TBC1D30: variants seen among roughly 807,000 people sequenced by gnomAD.
TBC1D30 encodes the protein TBC1 domain family, member 30.
Under a neutral mutation model 63.2 loss-of-function variants are expected in TBC1D30, and 31 were observed. That is an observed-to-expected ratio of 0.49 (90% CI 0.37 to 0.66). The LOEUF (loss-of-function observed/expected upper bound fraction) is 0.66. Among genes scored for constraint, TBC1D30 ranks in the 30% least tolerant of loss-of-function variants. The pLI is 0.00. For missense variants in TBC1D30, 810 were observed against 953.6 expected, an observed-to-expected ratio of 0.85 and a Z score of 1.98; for synonymous variants, 307 against 361.5, an observed-to-expected ratio of 0.85 and a Z score of 1.71.
chr12:64,774,011 A>G (rs989675275), intron 1 of TBC1D30, among the ~76,000 whole-genome samples: 1 of 152,222 alleles, frequency 6.6e-6, no homozygotes, highest in African/African-American at 2.4e-5. Context: ...TTAAAGGAGG[A>G]TATTGTAACC....
In TBC1D30 at chr12:64,832,250, C is replaced by T. The variant is rs1874935545; in HGVS notation, c.540C>T (p.Ile180=). 6.5e-7 allele frequency: 1 copy of T among 1,535,990 alleles called. No homozygotes were observed. Among genetic ancestry groups the T allele is most frequent in the Non-Finnish European group, 8.7e-7 (1 of 1,146,906 alleles). ...TTGGGTACTGCCAAGGCTTTAACAT[C>T]CTGGCTGCACTAATTCTGGAAGTGA... The part of the protein sequence containing the change: ...KTVGYCQGFN[I]LAALILEVME... The change falls in exon 5 of 12, where the codon ATC becomes ATT. Residue 180 remains isoleucine (I), a synonymous_variant. Coordinates refer to ENST00000539867, the MANE Select transcript of TBC1D30 (RefSeq NM_015279.2).
At chr12:64,772,807 A>T (rs1429858633) in intron 1 of TBC1D30, among the ~76,000 whole-genome samples, 3 of 152,168 alleles carry the variant, frequency 2.0e-5, no homozygotes, top group African/African-American at 7.2e-5. Flanking sequence ...CTCTGTCTCT[A>T]AAAAAAGAAA....
intron 1 of TBC1D30, among the ~76,000 whole-genome samples, chr12:64,764,610 G>C (rs1026366167): frequency 1.3e-5 from 2 of 152,210 alleles, no homozygotes; most frequent in African/African-American, 4.8e-5. Flanking sequence ...TTTTTGCCTG[G>C]TGGAGGGACA....
chr12:64,855,229 T>G (rs1178527989), intron 8 of TBC1D30, among the ~76,000 whole-genome samples: 1 of 152,182 alleles, frequency 6.6e-6, no homozygotes, highest in Admixed American at 6.5e-5. Context: ...TACTCATTTT[T>G]TTTTTCTTGC....
At chr12:64,763,673 A>T (rs1382718471) in intron 1 of TBC1D30, among the ~76,000 whole-genome samples, 6 of 148,248 alleles carry the variant, frequency 4.0e-5, no homozygotes, top group Admixed American at 1.4e-4. Context: ...CAGTGGCATG[A>T]TCTCGGCTCA....
In TBC1D30 at chr12:64,832,014, TTA is replaced by T. The variant is rs994718839; in HGVS notation, c.409-103_409-102del. 170 of 1,154,746 alleles carry T rather than the reference TTA, an allele frequency of 1.5e-4. 1 individual carries two copies. The Middle Eastern group carries it at 2.1e-3, about 14-fold the overall frequency. 71.5% of individuals were successfully genotyped at this position (1,154,746 alleles called of 1,614,324 possible). A position where few individuals can be genotyped will look rare whatever the true frequency, so the allele number is the denominator to read the frequency against. On this transcript the variant is annotated intron_variant, in intron 4 of 11. Coordinates refer to ENST00000539867, the MANE Select transcript of TBC1D30 (RefSeq NM_015279.2). ...AAAACATACACATTTTAAAAAAATT[TTA>T]TGTCGATGATTTGACTCTGTTTATT...
chr12:64,781,913 C>G (rs1266808617), intron 1 of TBC1D30, among the ~76,000 whole-genome samples: 1 of 141,402 alleles, frequency 7.1e-6, no homozygotes, highest in Non-Finnish European at 1.6e-5. Flanking sequence ...AGTGGAGGGC[C>G]CTAGAGTGTT....
At position 64,825,007 on chromosome 12, in the gene TBC1D30, C is replaced by T; in HGVS notation, c.128C>T (p.Pro43Leu). ...KKRSCISRTA[P>L]RLLCTLEPGV... Reference sequence around the variant, plus strand: ...CGCAGCTGCATTTCCCGGACCGCGCCCCGGCTGCTGTGCACCCTGGAGCCG... The same window carrying T: ...CGCAGCTGCATTTCCCGGACCGCGCTCCGGCTGCTGTGCACCCTGGAGCCG... Residue 43 changes from proline (P) to leucine (L), a missense_variant, in exon 1 of 12, where the codon CCC (proline) becomes CTC (leucine). Physicochemically the swap from Pro to Leu is moderately conservative, Grantham distance 98. Transcript: ENST00000539867. 6.5e-7 allele frequency: 1 copy of T among 1,533,954 alleles called. No homozygotes were observed. Among genetic ancestry groups the T allele is most frequent in the South Asian group, 1.2e-5 (1 of 83,750 alleles).
chr12:64,776,319 A>G (rs1871078782), upstream of TBC1D30, among the ~76,000 whole-genome samples: 1 of 152,182 alleles, frequency 6.6e-6, no homozygotes, highest in Admixed American at 6.5e-5. Context: ...TGAATCCAGG[A>G]GCTAGTTTTT....
intron 8 of TBC1D30, among the ~76,000 whole-genome samples, chr12:64,853,469 G>A (rs991382057): frequency 6.6e-6 from 1 of 152,152 alleles, no homozygotes; most frequent in Non-Finnish European, 1.5e-5. Context: ...TTGGCTCCCT[G>A]GCTTCAGCCC....
At chr12:64,802,645 C>CCT (rs1313290155) in intron 2 of TBC1D30, among the ~76,000 whole-genome samples, 5 of 152,000 alleles carry the variant, frequency 3.3e-5, no homozygotes, top group Admixed American at 3.3e-4. Flanking sequence ...TATCCCTCCC[C>CCT]CGTCCCCCAC....
intron 7 of TBC1D30, among the ~76,000 whole-genome samples, chr12:64,839,832 C>T (rs779259596): frequency 2.0e-5 from 3 of 151,810 alleles, no homozygotes; most frequent in African/African-American, 4.8e-5. Flanking sequence ...GGTGAAACCC[C>T]GTCTCTACTA....
chr12:64,779,865 A>G, upstream of TBC1D30, among the ~76,000 whole-genome samples: 1 of 152,240 alleles, frequency 6.6e-6, no homozygotes. Flanking sequence ...GGGATAATTC[A>G]TGCAAATCTC....
chr12:64,837,508 C>G (rs969676732), intron 6 of TBC1D30, among the ~76,000 whole-genome samples: 1 of 151,752 alleles, frequency 6.6e-6, no homozygotes, highest in Non-Finnish European at 1.5e-5. Context: ...CTCACGTGCA[C>G]CGTTCACAAT....
In TBC1D30 at chr12:64,878,389, A is replaced by G. The variant is rs1879236210; in HGVS notation, c.*2601A>G. 4 of 455,942 alleles carry G rather than the reference A, an allele frequency of 8.8e-6. No homozygotes were observed. Among genetic ancestry groups the G allele is most frequent in the South Asian group, 6.2e-5 (4 of 64,482 alleles). 28.2% of individuals were successfully genotyped at this position (455,942 alleles called of 1,614,324 possible). A position where few individuals can be genotyped will look rare whatever the true frequency, so the allele number is the denominator to read the frequency against. The stretch of plus-strand genomic sequence containing the variant: ...CAAACACCAGAAGTACTTAACAAGT[A>G]GTGGTTTCTTGATTTTTAGATATGT... On this transcript the variant is annotated 3_prime_UTR_variant, in exon 12 of 12. Transcript: ENST00000539867.
At chr12:64,843,255 A>G in intron 7 of TBC1D30, 125 bp from the exon 8 acceptor site, 2 of 772,628 alleles carry the variant, frequency 2.6e-6, no homozygotes, top group South Asian at 3.7e-5. Context: ...CCAGCCTCCC[A>G]GAGTGCTGGG....
At chr12:64,868,431 GAC>G (rs1212670265) in intron 10 of TBC1D30, 1 of 222,768 alleles carries the variant, frequency 4.5e-6, no homozygotes, top group Non-Finnish European at 8.8e-6. Flanking sequence ...TAGGGAAAAT[GAC>G]AGTTTGGGTT....
At chr12:64,817,700 A>G (rs1169658495) in intron 2 of TBC1D30, among the ~76,000 whole-genome samples, 1 of 152,158 alleles carries the variant, frequency 6.6e-6, no homozygotes, top group East Asian at 1.9e-4. Context: ...CTAGGGACAC[A>G]TTTCTAAGTT....
chr12:64,785,817 T>G (rs964832384), intron 1 of TBC1D30: 4 of 1,211,578 alleles, frequency 3.3e-6, no homozygotes, highest in African/African-American at 3.1e-5. Flanking sequence ...TGGACTAATA[T>G]CACACTGGAA....
Sources: gnomAD v4.1 joint callset for allele counts (sites outside exome capture counted in the v4.1 genomes callset) on GRCh38, gnomAD v4.1.1 for gene constraint, MANE v1.5 for transcripts, NCBI Gene and HGNC (gene_info 2026-07-23, HGNC 2026-07-21) for gene names.